Variants in KLK15 observed in about 807,000 individuals in gnomAD.
KLK15 encodes kallikrein-15.
Under a neutral mutation model 21.1 loss-of-function variants are expected in KLK15, and 19 were observed. That is an observed-to-expected ratio of 0.90 (90% CI 0.63 to 1.32). The LOEUF is 1.32. KLK15 is among the 40% of genes most tolerant of loss of function. The pLI is 0.00. For missense variants in KLK15, 345 were observed against 348.6 expected (o/e 0.99, Z 0.08); for synonymous variants, 141 against 141.5 (o/e 1.00, Z 0.03).
chr19:50,832,700 A>G (rs1365161751), upstream of KLK15, among the ~76,000 whole-genome samples: 1 of 152,054 alleles, frequency 6.6e-6, no homozygotes, highest in Admixed American at 6.6e-5. Flanking sequence ...TCCTAGACGC[A>G]GCCAGTGCTG....
At chr19:50,827,246 C>CAGAACGTTAATGA (rs1555765365) in intron 2 of KLK15, 85 bp from the exon 4 acceptor site, 373 of 1,343,590 alleles carry the variant, frequency 2.8e-4, no homozygotes, top group Middle Eastern at 5.3e-4. Flanking sequence ...AAAGAGTGGG[C>CAGAACGTTAATGA]AACCCGAGGT....
upstream of KLK15, among the ~76,000 whole-genome samples, chr19:50,831,733 A>C (rs186870167): frequency 1.4e-3 from 209 of 149,328 alleles, 2 homozygotes; most frequent in East Asian, 0.017. Flanking sequence ...ACCCTGCCCC[A>C]CCTCCTCCAC....
intron 1 of KLK15, chr19:50,830,975 G>T (rs993690474): frequency 6.5e-6 from 1 of 153,582 alleles, no homozygotes; most frequent in Non-Finnish European, 1.4e-5. Flanking sequence ...AAGAGACAGG[G>T]AGTGGCAGGT....
At chr19:50,830,922 C>T (rs1468629970) in intron 1 of KLK15, among the ~76,000 whole-genome samples, 1 of 152,214 alleles carries the variant, frequency 6.6e-6, no homozygotes, top group Non-Finnish European at 1.5e-5. Flanking sequence ...GCTTATGCTT[C>T]TGCCTCACAC....
chr19:50,826,413 T>A (rs2089879404), intron 4 of KLK15: 1 of 537,834 alleles, frequency 1.9e-6, no homozygotes, highest in African/African-American at 1.9e-5. Flanking sequence ...TCAAACTAAC[T>A]ATCACATTAT....
chr19:50,826,467 C>G, intron 4 of KLK15, 154 bp downstream of exon 5: 1 of 877,298 alleles, frequency 1.1e-6, no homozygotes, highest in Non-Finnish European at 1.7e-6. Context: ...CCAACTCCAA[C>G]CTCACCCCTA....
At position 50,828,466 on chromosome 19, in the gene KLK15, G is replaced by A. The variant is rs183658540; in HGVS notation, c.44-651C>T. Among the ~76,000 whole-genome samples, 8 of 151,796 alleles carry A rather than the reference G, an allele frequency of 5.3e-5. No homozygotes were observed. In the East Asian group the frequency reaches 1.2e-3, roughly 22 times the overall value. On this transcript the variant is annotated intron_variant, in intron 1 of 4. Transcript: ENST00000598239. ...CACCAAATTGTCACAGACGTCAAACGCATGTGGCCACTCAGTATGTGTGAC... is the reference window on the plus strand; with the variant it reads ...CACCAAATTGTCACAGACGTCAAACACATGTGGCCACTCAGTATGTGTGAC...
chr19:50,830,532 C>T (rs1018540679), intron 1 of KLK15: 1 of 148,126 alleles, frequency 6.8e-6, no homozygotes, highest in Non-Finnish European at 1.5e-5. Flanking sequence ...AGGTGGAGGC[C>T]CCAGCTGGGC....
chr19:50,826,352 A>G, intron 4 of KLK15: 2 of 470,184 alleles, frequency 4.3e-6, no homozygotes, highest in Non-Finnish European at 3.7e-6. Flanking sequence ...CGTATTTCCC[A>G]CCCAGAATCA....
At chr19:50,826,303 AT>A in intron 4 of KLK15, 2 of 451,130 alleles carry the variant, frequency 4.4e-6, no homozygotes, top group Non-Finnish European at 7.8e-6. Context: ...TGTCTTCTGC[AT>A]TCCAAACAAA....
At chr19:50,827,104 T>C (rs764327281) in exon 3 of KLK15, 2 of 1,605,030 alleles carry the variant, frequency 1.2e-6, no homozygotes, top group Non-Finnish European at 1.7e-6. Flanking sequence ...TGGTCCGTAG[T>C]TGCTCTGGGC....
At chr19:50,827,554 T>A (rs1404237703) in intron 2 of KLK15, 108 bp downstream of exon 3, 1 of 1,192,770 alleles carries the variant, frequency 8.4e-7, no homozygotes, top group Non-Finnish European at 1.2e-6. Context: ...GGCCTCCTCG[T>A]CTTTCAGAAC....
upstream of KLK15, among the ~76,000 whole-genome samples, chr19:50,832,336 T>C (rs2090005336): frequency 6.7e-6 from 1 of 149,056 alleles, no homozygotes; most frequent in African/African-American, 2.5e-5. Context: ...TTTTTTTTTT[T>C]TTTTGAGACG....
intron 4 of KLK15, 161 bp downstream of exon 5, chr19:50,826,460 A>G: frequency 2.5e-6 from 2 of 802,758 alleles, no homozygotes; most frequent in South Asian, 4.1e-5. Flanking sequence ...TATAACCCCA[A>G]CTCCAACCTC....
At chr19:50,832,108 A>G (rs191756408), upstream of KLK15, among the ~76,000 whole-genome samples, 1,172 of 138,416 alleles carry the variant, frequency 8.5e-3, 20 homozygotes, top group African/African-American at 0.029. Context: ...GGCATGAGCC[A>G]CCGCGCCTGG....
upstream of KLK15, among the ~76,000 whole-genome samples, chr19:50,832,019 C>G (rs2123426732): frequency 6.6e-6 from 1 of 151,982 alleles, no homozygotes; most frequent in Non-Finnish European, 1.5e-5. Context: ...GACAGGGTTT[C>G]ACCGTGTTAG....
Position 50,827,700 on chromosome 19 carries a change from G to A in KLK15, c.159C>T (p.Ser53=), listed in dbSNP as rs373071936. The A allele has an allele frequency of 8.7e-6, 14 of 1,611,136 alleles. No homozygotes were observed. The African/African-American group carries it at 1.7e-4, about 20-fold the overall frequency. ...GGGCCGCAGACAGCACCCAGTGTGG[G>A]GAGATGAGGGAAGCGCCACAGTTAA... Residue 53 remains serine, a synonymous_variant, in exon 2 of 5, where the codon TCC becomes TCT. Transcript: ENST00000598239.
At chr19:50,829,030 T>C (rs1420541164) in intron 1 of KLK15, among the ~76,000 whole-genome samples, 1 of 126,266 alleles carries the variant, frequency 7.9e-6, no homozygotes, top group Non-Finnish European at 1.6e-5. Flanking sequence ...TGTATATGAA[T>C]ATGGATGGTT....
At chr19:50,832,312 CTTTTTT>C (rs922329048), upstream of KLK15, among the ~76,000 whole-genome samples, 2 of 101,186 alleles carry the variant, frequency 2.0e-5, no homozygotes, top group Non-Finnish European at 2.1e-5. Context: ...CACTTTCTTT[CTTTTTT>C]TTTCTTTTTT....
Sources: gnomAD v4.1 joint callset for allele counts (sites outside exome capture counted in the v4.1 genomes callset) on GRCh38, gnomAD v4.1.1 for gene constraint, MANE v1.5 for transcripts, NCBI Gene and HGNC (gene_info 2026-07-23, HGNC 2026-07-21) for gene names.